The following RAP1GAP variants were observed in gnomAD, a reference collection of about 807,000 sequenced individuals.
RAP1GAP encodes the protein rap1 GTPase-activating protein 1.
Under a neutral mutation model 87.2 loss-of-function variants are expected in RAP1GAP, and 35 were observed. That is an observed-to-expected ratio of 0.40 (90% CI 0.31 to 0.53). The LOEUF is 0.53. Ranked by LOEUF, RAP1GAP falls within the 20% of genes least tolerant of loss-of-function variation. The pLI, the probability that RAP1GAP is intolerant of heterozygous loss-of-function variation, is 0.48. For synonymous variants in RAP1GAP, 375 were observed against 363.9 expected, an observed-to-expected ratio of 1.03 and a Z score of -0.35; for missense variants, 734 against 898.9, an observed-to-expected ratio of 0.82 and a Z score of 2.35.
Position 21,669,308 on chromosome 1 carries a change from C to G in RAP1GAP, c.-203G>C. 8.5e-7 allele frequency: 1 copy of G among 1,170,394 alleles called. No individual in the cohort carries two copies. The highest frequency in any genetic ancestry group is 1.1e-6 in the Non-Finnish European group (1 of 941,750). The allele number at this position is 1,170,394 out of a possible 1,614,324, so 72.5% of individuals were successfully genotyped here. ...CTCGGCACTCTGGTGCCCGCGGCCG[C>G]CGCTGCAGCTCTGCTCAGATGCGGC... On this transcript the variant is annotated 5_prime_UTR_variant, in exon 1 of 25. Coordinates refer to ENST00000374765, the MANE Select transcript of RAP1GAP (RefSeq NM_002885.4). This position sits in a 1 kb window ranked among gnomAD's most constrained non-coding sequence, Gnocchi z 5.6.
intron 2 of RAP1GAP, among the ~76,000 whole-genome samples, chr1:21,636,930 GAGGGAGGGAGGGAGGA>G (rs1296452535): frequency 3.1e-4 from 37 of 118,702 alleles, no homozygotes; most frequent in African/African-American, 8.0e-4. Flanking sequence ...GGGAGGGAGG[GAGGGAGGGAGGGAGGA>G]AGGGAGGGAG....
chr1:21,654,133 C>A (rs1449864359), intron 1 of RAP1GAP, among the ~76,000 whole-genome samples: 1 of 152,074 alleles, frequency 6.6e-6, no homozygotes, highest in African/African-American at 2.4e-5. Context: ...GGTCACGTTC[C>A]CTTGGCCAGG....
At chr1:21,608,752 A>G in intron 16 of RAP1GAP, 98 bp downstream of exon 16, 1 of 1,263,552 alleles carries the variant, frequency 7.9e-7, no homozygotes, top group South Asian at 1.3e-5. Context: ...CGCTAAGGCC[A>G]AGGTCTGAAC....
chr1:21,641,331 G>A (rs1171352509), intron 2 of RAP1GAP, among the ~76,000 whole-genome samples: 1 of 152,100 alleles, frequency 6.6e-6, no homozygotes, highest in Non-Finnish European at 1.5e-5. Flanking sequence ...TGGGGCGGGG[G>A]AAGGAGTCCT....
chr1:21,616,390 CTGAG>C (rs2082184097), intron 7 of RAP1GAP, among the ~76,000 whole-genome samples: 1 of 152,238 alleles, frequency 6.6e-6, no homozygotes, highest in Non-Finnish European at 1.5e-5. Context: ...CTAACATTAA[CTGAG>C]TATTTACCAT....
At chr1:21,664,723 T>C (rs2097282222) in intron 1 of RAP1GAP, among the ~76,000 whole-genome samples, 1 of 146,640 alleles carries the variant, frequency 6.8e-6, no homozygotes. Flanking sequence ...CTCACTACTC[T>C]CAAAACACTG....
rs1055452858 is a variant in RAP1GAP, at chr1:21,613,545, G to A, written c.474+83C>T. On this transcript the variant is annotated intron_variant, in intron 9 of 24. Coordinates refer to ENST00000374765, the MANE Select transcript of RAP1GAP (RefSeq NM_002885.4). The surrounding 1 kb of genome is among the most constrained non-coding windows in gnomAD (Gnocchi z 4.7). ...CCAGGGCTAGGGCCTACAGCTGAAG[G>A]GGACGCGCCAAGGCAAGCTGAAGCC... The A allele has an allele frequency of 1.1e-5, 14 of 1,293,768 alleles. No homozygotes were observed. Among genetic ancestry groups the A allele is most frequent in the Non-Finnish European group, 1.2e-5 (11 of 891,486 alleles). The allele number at this position is 1,293,768 out of a possible 1,614,324, so 80.1% of individuals were successfully genotyped here. A position where few individuals can be genotyped will look rare whatever the true frequency, so the allele number is the denominator to read the frequency against.
chr1:21,654,083 G>C (rs1244092704), intron 1 of RAP1GAP, among the ~76,000 whole-genome samples: 1 of 148,928 alleles, frequency 6.7e-6, no homozygotes. Flanking sequence ...TCATTGGCAA[G>C]GGATGGGGGT....
intron 2 of RAP1GAP, among the ~76,000 whole-genome samples, chr1:21,631,279 T>C (rs1286096612): frequency 6.6e-6 from 1 of 152,192 alleles, no homozygotes; most frequent in Non-Finnish European, 1.5e-5. Flanking sequence ...TGCCGGGACA[T>C]GGGGCGCTCT....
Position 21,609,013 on chromosome 1 carries a change from G to GGCAGA in RAP1GAP, c.1072-82_1072-78dup. On this transcript the variant is annotated intron_variant, in intron 15 of 24. Coordinates refer to ENST00000374765, the MANE Select transcript of RAP1GAP (RefSeq NM_002885.4). This position sits in a 1 kb window ranked among gnomAD's most constrained non-coding sequence, Gnocchi z 4.4. Reference sequence around the variant, plus strand: ...TAAACAAGGGTCGGAACCCCAACGAGGCAGAGGCTGCAGCTCCTGAACCAT... The same window carrying GGCAGA: ...TAAACAAGGGTCGGAACCCCAACGAGGCAGAGCAGAGGCTGCAGCTCCTGAACCAT... The GGCAGA allele has an allele frequency of 8.1e-7, 1 of 1,231,318 alleles. No homozygotes were observed. The highest frequency in any genetic ancestry group is 1.2e-5 in the South Asian group (1 of 82,642). 76.3% of individuals were successfully genotyped at this position (1,231,318 alleles called of 1,614,324 possible).
At chr1:21,650,933 C>A (rs76627777) in intron 1 of RAP1GAP, among the ~76,000 whole-genome samples, 3,314 of 152,262 alleles carry the variant, frequency 0.022, 53 homozygotes, top group Non-Finnish European at 0.036. Context: ...CATGCCCACA[C>A]ACAAGCCCCA....
rs752605144 is a variant in RAP1GAP, at chr1:21,599,475, A to AC, written c.1776+18dup. On this transcript the variant is annotated intron_variant, in intron 21 of 24. Coordinates refer to ENST00000374765, the MANE Select transcript of RAP1GAP (RefSeq NM_002885.4). ...CTTCCAAGCTCCTGTGGGGCCCCTG[A>AC]CCCCCCTGAGCCTCTCACCAGGCCT... The AC allele has an allele frequency of 9.4e-6, 15 of 1,599,328 alleles. No individual in the cohort carries two copies. In the Admixed American group the frequency reaches 2.2e-4, roughly 24 times the overall value.
chr1:21,600,284 G>T (rs1455690786), intron 20 of RAP1GAP, among the ~76,000 whole-genome samples: 1 of 152,132 alleles, frequency 6.6e-6, no homozygotes, highest in Non-Finnish European at 1.5e-5. Context: ...TCCTCCCAAG[G>T]TGAGAATGAC....
chr1:21,613,842 C>A lies in RAP1GAP; in HGVS notation c.396-136G>T. ...GGTGATGATGGGTGTCAGGCTGACTCGGGTACTAACTTGCTGTGCAACCTC... is the reference window on the plus strand; with the variant it reads ...GGTGATGATGGGTGTCAGGCTGACTAGGGTACTAACTTGCTGTGCAACCTC... On this transcript the variant is annotated intron_variant, in intron 8 of 24. Coordinates refer to ENST00000374765, the MANE Select transcript of RAP1GAP (RefSeq NM_002885.4). The surrounding 1 kb of genome is among the most constrained non-coding windows in gnomAD (Gnocchi z 4.7). 1 of 1,130,848 alleles carries A rather than the reference C, an allele frequency of 8.8e-7. No individual in the cohort carries two copies. Among genetic ancestry groups the A allele is most frequent in the Non-Finnish European group, 1.3e-6 (1 of 766,072 alleles). The allele number at this position is 1,130,848 out of a possible 1,614,324, so 70.1% of individuals were successfully genotyped here. A position where few individuals can be genotyped will look rare whatever the true frequency, so the allele number is the denominator to read the frequency against.
Position 21,659,410 on chromosome 1 carries a change from C to T in RAP1GAP, c.-148-9614G>A, listed in dbSNP as rs536098632. 9.8e-5 allele frequency among the ~76,000 whole-genome samples: 15 copies of T among 152,296 alleles called. No homozygotes were observed. In the East Asian group the frequency reaches 2.3e-3, roughly 24 times the overall value. On this transcript the variant is annotated intron_variant, in intron 1 of 24. Transcript: ENST00000374765. ...CCAGTCACCGGCCGCGCGCTCGCCA[C>T]CCCCCGCACTTCCTCACCCCTCCCT... is the stretch of plus-strand genomic sequence containing the variant.
intron 20 of RAP1GAP, among the ~76,000 whole-genome samples, chr1:21,600,846 C>T (rs1404738318): frequency 2.3e-5 from 3 of 129,326 alleles, no homozygotes; most frequent in Non-Finnish European, 4.7e-5. Context: ...GATTGTGCCA[C>T]TGCACTCCAG....
intron 2 of RAP1GAP, among the ~76,000 whole-genome samples, chr1:21,631,928 G>A (rs1390240774): frequency 3.3e-5 from 5 of 152,106 alleles, no homozygotes; most frequent in Admixed American, 1.3e-4. Flanking sequence ...CTCCCATCAC[G>A]GCCCTGGCTC....
chr1:21,610,708 C>T (rs917618746), intron 13 of RAP1GAP, among the ~76,000 whole-genome samples: 50 of 152,258 alleles, frequency 3.3e-4, no homozygotes, highest in African/African-American at 1.2e-3. Context: ...GGTCCCCAGA[C>T]CCTACCTCTC....
chr1:21,636,317 T>C (rs1035461355), intron 2 of RAP1GAP, among the ~76,000 whole-genome samples: 6 of 152,248 alleles, frequency 3.9e-5, no homozygotes, highest in African/African-American at 1.4e-4. Flanking sequence ...AAAATGGGGA[T>C]AGCAGTGCTG....
Sources: allele counts gnomAD v4.1 joint callset (sites outside exome capture counted in the v4.1 genomes callset), GRCh38; gene constraint gnomAD v4.1.1; non-coding constraint Gnocchi (gnomAD v3.1); transcripts MANE v1.5; gene names NCBI Gene and HGNC (gene_info 2026-07-23, HGNC 2026-07-21).